The following CNTNAP2 variants were observed in gnomAD, a reference collection of about 807,000 sequenced individuals.
CNTNAP2 encodes contactin associated protein 2.
CNTNAP2 carries 98 observed loss-of-function variants against 155.2 expected under a neutral mutation model. The ratio of observed to expected loss-of-function variants is 0.63; its 90% CI spans 0.54 to 0.75. The LOEUF (loss-of-function observed/expected upper bound fraction) is 0.75, where lower values mean the gene tolerates loss of function less well. Among genes scored for constraint, CNTNAP2 ranks in the 30% least tolerant of loss-of-function variants. The pLI is 0.00. For missense variants in CNTNAP2, 1,727 were observed against 1,688.1 expected (o/e 1.02, Z -0.40); for synonymous variants, 651 against 631.2 (o/e 1.03, Z -0.47).
intron 14 of CNTNAP2, among the ~76,000 whole-genome samples, chr7:147,955,540 T>C (rs1801005231): frequency 6.6e-6 from 1 of 152,194 alleles, no homozygotes; most frequent in South Asian, 2.1e-4. Flanking sequence ...ATGGATCCCC[T>C]GAAAGGTATT....
intron 2 of CNTNAP2, among the ~76,000 whole-genome samples, chr7:146,798,301 TG>T (rs1483280448): frequency 6.6e-6 from 1 of 152,030 alleles, no homozygotes; most frequent in African/African-American, 2.4e-5. Flanking sequence ...AGACTTTTTT[TG>T]TGGCAGTGTC....
intron 5 of CNTNAP2, 66 bp from the exon 6 acceptor site, chr7:147,120,913 T>C: frequency 1.4e-6 from 2 of 1,455,072 alleles, no homozygotes; most frequent in Non-Finnish European, 1.9e-6. Context: ...AAATGAAAGA[T>C]CTTCTGCTTC....
intron 1 of CNTNAP2, among the ~76,000 whole-genome samples, chr7:146,377,368 T>C (rs542043856): frequency 6.6e-6 from 1 of 152,332 alleles, no homozygotes; most frequent in South Asian, 2.1e-4. Flanking sequence ...TTCTGTTTTC[T>C]GCCGTCTACC....
At position 147,182,142 on chromosome 7, in the gene CNTNAP2, A is replaced by G. The variant is rs1007339920; in HGVS notation, c.1348+49633A>G. On this transcript the variant is annotated intron_variant, in intron 8 of 23. Transcript: ENST00000361727. The stretch of plus-strand genomic sequence containing the variant: ...CTCCATCTCAAAAAAAAAAAAAAAA[A>G]AAAAGAAAGTAACTTCCACATTAAA... 4.2e-4 allele frequency among the ~76,000 whole-genome samples: 63 copies of G among 151,480 alleles called. 1 individual carries two copies. The highest frequency in any genetic ancestry group is 1.4e-3 in the African/African-American group (58 of 41,376).
intron 3 of CNTNAP2, among the ~76,000 whole-genome samples, chr7:146,851,628 G>A (rs894365512): frequency 8.0e-5 from 12 of 150,406 alleles, no homozygotes; most frequent in African/African-American, 2.9e-4. Context: ...TTCTCCCTGT[G>A]TTGCTTTATA....
intron 21 of CNTNAP2, among the ~76,000 whole-genome samples, chr7:148,349,103 AAAAT>A (rs558084259): frequency 9.1e-4 from 138 of 152,318 alleles, no homozygotes; most frequent in African/African-American, 3.2e-3. Context: ...TGGTGAGAAA[AAAAT>A]AAATAAATAA....
intron 8 of CNTNAP2, among the ~76,000 whole-genome samples, chr7:147,190,291 T>G (rs920994495): frequency 6.6e-6 from 1 of 152,226 alleles, no homozygotes; most frequent in Non-Finnish European, 1.5e-5. Flanking sequence ...TTATGTAATG[T>G]ATTTTTTCCC....
intron 13 of CNTNAP2, among the ~76,000 whole-genome samples, chr7:147,675,024 A>C (rs967435944): frequency 2.0e-5 from 3 of 152,074 alleles, no homozygotes; most frequent in African/African-American, 7.2e-5. Context: ...TTAAAACAAC[A>C]GACATTTATT....
At chr7:148,209,563 C>G (rs191940287) in intron 18 of CNTNAP2, among the ~76,000 whole-genome samples, 1 of 152,204 alleles carries the variant, frequency 6.6e-6, no homozygotes, top group Non-Finnish European at 1.5e-5. Flanking sequence ...CTTTCCTTCA[C>G]CTTTTTAATT....
intron 1 of CNTNAP2, among the ~76,000 whole-genome samples, chr7:146,321,750 G>A (rs1423144843): frequency 1.3e-5 from 2 of 152,090 alleles, no homozygotes; most frequent in Non-Finnish European, 2.9e-5. Context: ...CACACAAAGA[G>A]GTTCTTCTGA....
intron 2 of CNTNAP2, among the ~76,000 whole-genome samples, chr7:146,832,942 C>T (rs1384675334): frequency 2.6e-5 from 4 of 151,952 alleles, no homozygotes; most frequent in Admixed American, 6.6e-5. Flanking sequence ...GTGATCCACC[C>T]GCCTCGGCCT....
At chr7:147,158,441 A>G (rs149892078) in intron 8 of CNTNAP2, among the ~76,000 whole-genome samples, 244 of 152,210 alleles carry the variant, frequency 1.6e-3, no homozygotes, top group African/African-American at 5.7e-3. Flanking sequence ...ACCATGGATT[A>G]CATGCACAAA....
At chr7:148,236,376 C>A (rs772842631) in intron 20 of CNTNAP2, among the ~76,000 whole-genome samples, 2 of 152,126 alleles carry the variant, frequency 1.3e-5, no homozygotes, top group African/African-American at 4.8e-5. Flanking sequence ...TTGGTCAAAG[C>A]GGTTTGCAGT....
At chr7:148,365,777 TATGTGTATGCATGTATACATGC>T (rs1563059239) in intron 21 of CNTNAP2, among the ~76,000 whole-genome samples, 2 of 91,128 alleles carry the variant, frequency 2.2e-5, no homozygotes, top group African/African-American at 9.1e-5. Flanking sequence ...TGTATACATG[TATGTGTATGCATGTATACATGC>T]ATGTGTATGC....
rs187482090 is a variant in CNTNAP2, at chr7:147,882,095, T to C, written c.2099-21470T>C. 2.9e-4 allele frequency among the ~76,000 whole-genome samples: 43 copies of C among 150,618 alleles called. No individual in the cohort carries two copies. The East Asian group carries it at 7.4e-3, about 26-fold the overall frequency. ...TACAATATATGCAATGTAAAGAAAA[T>C]AGACATGTGGCAATATAATCCAATT... On this transcript the variant is annotated intron_variant, in intron 13 of 23. Transcript: ENST00000361727.
chr7:146,918,132 A>G (rs2129219114), intron 3 of CNTNAP2, among the ~76,000 whole-genome samples: 1 of 152,278 alleles, frequency 6.6e-6, no homozygotes, highest in Non-Finnish European at 1.5e-5. Context: ...ATTATTCATT[A>G]TGCCATTCTG....
intron 1 of CNTNAP2, among the ~76,000 whole-genome samples, chr7:146,655,426 A>C (rs1799980673): frequency 6.6e-6 from 1 of 151,338 alleles, no homozygotes; most frequent in Non-Finnish European, 1.5e-5. Flanking sequence ...AAAAAAAAAA[A>C]AAAAAAAAGA....
intron 19 of CNTNAP2, among the ~76,000 whole-genome samples, chr7:148,223,938 A>T (rs1219055523): frequency 1.3e-5 from 2 of 152,116 alleles, no homozygotes; most frequent in Non-Finnish European, 2.9e-5. Context: ...GGTTCCTCCG[A>T]CCTCTAGGCC....
At chr7:148,026,728 T>G (rs1200404008) in intron 15 of CNTNAP2, among the ~76,000 whole-genome samples, 1 of 152,170 alleles carries the variant, frequency 6.6e-6, no homozygotes, top group East Asian at 1.9e-4. Context: ...AGACTCAAGT[T>G]TAAAACTTCT....
Sources: gnomAD v4.1 joint callset for allele counts (sites outside exome capture counted in the v4.1 genomes callset) on GRCh38, gnomAD v4.1.1 for gene constraint, MANE v1.5 for transcripts, NCBI Gene and HGNC (gene_info 2026-07-23, HGNC 2026-07-21) for gene names.